Variants in TP73 observed in about 807,000 individuals in gnomAD.
TP73 encodes the protein tumor protein p73.
In TP73, 25 loss-of-function variants were observed where a neutral mutation model predicts 62.5. The ratio of observed to expected loss-of-function variants is 0.40; its 90% CI spans 0.29 to 0.56. The LOEUF is 0.56. Ranked by LOEUF, TP73 falls within the 20% of genes least tolerant of loss-of-function variation. The pLI is 0.46. For synonymous variants in TP73, 423 were observed against 377.5 expected (o/e 1.12, Z -1.40); for missense variants, 754 against 913.3 (o/e 0.83, Z 2.25).
intron 1 of TP73, among the ~76,000 whole-genome samples, chr1:3,655,220 C>T (rs1644840537): frequency 6.6e-6 from 1 of 152,116 alleles, no homozygotes; most frequent in African/African-American, 2.4e-5. Flanking sequence ...AATCTTGTCC[C>T]CACCAAAAAT....
chr1:3,662,295 G>A lies in TP73; in HGVS notation c.-34+9654G>A, dbSNP rs1645011713. 1 of 152,196 alleles carries A rather than the reference G, an allele frequency of 6.6e-6. No individual in the cohort carries two copies. The highest frequency in any genetic ancestry group is 1.5e-5 in the Non-Finnish European group (1 of 68,046). 9.4% of individuals were successfully genotyped at this position (152,196 alleles called of 1,614,324 possible). ...AGGGGAGGAAAAGTGACATCAGACA[G>A]ATCAACAGGAGAAAACCCATTTTAA... On this transcript the variant is annotated intron_variant, in intron 1 of 13. Coordinates refer to ENST00000378295, the MANE Select transcript of TP73 (RefSeq NM_005427.4). This position sits in a 1 kb window ranked among gnomAD's most constrained non-coding sequence, Gnocchi z 4.4.
intron 1 of TP73, among the ~76,000 whole-genome samples, chr1:3,656,309 A>G (rs1171829222): frequency 6.6e-6 from 1 of 152,248 alleles, no homozygotes; most frequent in Admixed American, 6.5e-5. Context: ...CTCTGTGCTC[A>G]GTATTTCTTT....
intron 13 of TP73, among the ~76,000 whole-genome samples, chr1:3,731,974 G>A (rs991522465): frequency 2.6e-5 from 4 of 152,240 alleles, no homozygotes; most frequent in Admixed American, 1.3e-4. Flanking sequence ...CACCTGGCCC[G>A]AGGCCACACA....
At chr1:3,711,417 T>A (rs1433020056) in intron 4 of TP73, among the ~76,000 whole-genome samples, 1 of 152,226 alleles carries the variant, frequency 6.6e-6, no homozygotes, top group African/African-American at 2.4e-5. Flanking sequence ...GACAGCTGGT[T>A]CCAGGAGGCC....
chr1:3,732,857 T>C lies in TP73; in HGVS notation c.1689T>C (p.Ser563=), dbSNP rs116174056. 3.6e-3 allele frequency: 5,767 copies of C among 1,612,078 alleles called. 181 individuals carry two copies. The African/African-American group carries it at 0.068, about 19-fold the overall frequency. The change falls in exon 14 of 14, where the codon TCT becomes TCC. Residue 563 remains serine (S), a synonymous_variant. Transcript: ENST00000378295. ...DYSTAQQLLR[S]SNAATISIGG... ...GCACCGCGCAGCAGCTGCTCCGCTC[T>C]AGCAACGCGGCCACCATCTCCATCG...
chr1:3,683,030 G>A (rs2102092462), intron 2 of TP73, 30 bp from the exon 3 acceptor site: 1 of 1,587,458 alleles, frequency 6.3e-7, no homozygotes. Context: ...ACTGGGGACT[G>A]ACGCTTCTAT....
intron 3 of TP73, among the ~76,000 whole-genome samples, chr1:3,703,326 C>T (rs1277969137): frequency 2.6e-5 from 4 of 152,184 alleles, no homozygotes; most frequent in African/African-American, 9.6e-5. Flanking sequence ...CACCCCGTGT[C>T]ACTGAGCCTG....
In TP73 at chr1:3,707,605, G is replaced by T; in HGVS notation, c.243G>T (p.Ser81=). The T allele has an allele frequency of 1.2e-6, 2 of 1,612,588 alleles. No homozygotes were observed. Among genetic ancestry groups the T allele is most frequent in the East Asian group, 4.5e-5 (2 of 44,852 alleles). The change falls in exon 4 of 14, where the codon TCG becomes TCT. Residue 81 remains serine, a synonymous_variant. Transcript: ENST00000378295. ...ACCAGATGAGCAGCCGCGCGGCCTCGGCCAGCCCCTACACCCCAGAGCACG... is the reference window on the plus strand; with the variant it reads ...ACCAGATGAGCAGCCGCGCGGCCTCTGCCAGCCCCTACACCCCAGAGCACG... The part of the protein sequence containing the change: ...TMDQMSSRAA[S]ASPYTPEHAA...
chr1:3,732,885 G>T lies in TP73; in HGVS notation c.1717G>T (p.Gly573Cys). Residue 573 changes from glycine (G) to cysteine (C), a missense_variant, in exon 14 of 14, where the codon GGC becomes TGC. By Grantham distance (159) the Gly-to-Cys change is radical. Transcript: ENST00000378295. Reference sequence around the variant, plus strand: ...CAACGCGGCCACCATCTCCATCGGCGGCTCAGGGGAACTGCAGCGCCAGCG... The same window carrying T: ...CAACGCGGCCACCATCTCCATCGGCTGCTCAGGGGAACTGCAGCGCCAGCG... ...SSNAATISIG[G>C]SGELQRQRVM... 6.2e-7 allele frequency: 1 copy of T among 1,611,586 alleles called. No individual in the cohort carries two copies. Among genetic ancestry groups the T allele is most frequent in the Non-Finnish European group, 8.5e-7 (1 of 1,179,654 alleles).
intron 6 of TP73, among the ~76,000 whole-genome samples, chr1:3,726,321 G>A (rs1431386617): frequency 2.2e-4 from 27 of 122,268 alleles, no homozygotes; most frequent in Non-Finnish European, 4.1e-4. Context: ...GGGTGGATGG[G>A]TGGATGGATG....
At chr1:3,698,123 G>A in intron 3 of TP73, 2 of 985,610 alleles carry the variant, frequency 2.0e-6, no homozygotes, top group Non-Finnish European at 2.4e-6. Context: ...GCTGTTACAG[G>A]TGGCGCCTGA....
In TP73 at chr1:3,670,390, C is replaced by T. The variant is rs956758666; in HGVS notation, c.-33-11943C>T. Among the ~76,000 whole-genome samples, 2 of 152,104 alleles carry T rather than the reference C, an allele frequency of 1.3e-5. No individual in the cohort carries two copies. The highest frequency in any genetic ancestry group is 2.4e-5 in the African/African-American group (1 of 41,412). On this transcript the variant is annotated intron_variant, in intron 1 of 13. Coordinates refer to ENST00000378295, the MANE Select transcript of TP73 (RefSeq NM_005427.4). This position sits in a 1 kb window ranked among gnomAD's most constrained non-coding sequence, Gnocchi z 5.9. ...CTTAGAAGTGGGGAAGAAGGCCAGG[C>T]GTGGTGGCTCACATCTGTAATCCCA... is the stretch of plus-strand genomic sequence containing the variant.
rs1311114060 is a variant in TP73 at position 3,666,567 on chromosome 1, G to A, written c.-34+13926G>A. ...TGACAGTGAAGGTGGGTGCGTGGGC[G>A]GGGGGCTTTTAATGGTCCCTCTGCT... On this transcript the variant is annotated intron_variant, in intron 1 of 13. Transcript: ENST00000378295. This position sits in a 1 kb window ranked among gnomAD's most constrained non-coding sequence, Gnocchi z 6.4. Among the ~76,000 whole-genome samples, 2 of 152,076 alleles carry A rather than the reference G, an allele frequency of 1.3e-5. No homozygotes were observed. The highest frequency in any genetic ancestry group is 2.9e-5 in the Non-Finnish European group (2 of 68,006).
At chr1:3,690,712 C>T (rs1042289303) in intron 3 of TP73, 15 of 1,429,306 alleles carry the variant, frequency 1.0e-5, no homozygotes, top group East Asian at 1.0e-4. Context: ...ATGGGAAAAG[C>T]GAAAATGCCA....
At chr1:3,714,550 CCCT>C (rs1489417481) in intron 4 of TP73, among the ~76,000 whole-genome samples, 7 of 152,264 alleles carry the variant, frequency 4.6e-5, no homozygotes, top group Admixed American at 1.3e-4. Flanking sequence ...CCTGCTGGGC[CCCT>C]CGTGGGACAG....
In TP73 at chr1:3,672,314, G is replaced by A. The variant is rs1303483001; in HGVS notation, c.-33-10019G>A. On this transcript the variant is annotated intron_variant, in intron 1 of 13. Coordinates refer to ENST00000378295, the MANE Select transcript of TP73 (RefSeq NM_005427.4). This position sits in a 1 kb window ranked among gnomAD's most constrained non-coding sequence, Gnocchi z 5.3. ...GAAAGAAAGAAGATTCTGGAGGACA[G>A]CACAGGCACTTCCAACATGGGCGCT... Among the ~76,000 whole-genome samples the A allele has an allele frequency of 6.6e-6, 1 of 152,164 alleles. No individual in the cohort carries two copies. The highest frequency in any genetic ancestry group is 1.5e-5 in the Non-Finnish European group (1 of 68,014).
Position 3,727,105 on chromosome 1 carries a change from C to T in TP73, c.733-10C>T. 6.2e-7 allele frequency: 1 copy of T among 1,609,232 alleles called. No homozygotes were observed. The highest frequency in any genetic ancestry group is 1.1e-5 in the South Asian group (1 of 90,876). Reference sequence around the variant, plus strand: ...GATGCTAGCCCCTCTCCCTGCTCCCCCATGTGCAGGTGGGGACGGAATTCA... The same window carrying T: ...GATGCTAGCCCCTCTCCCTGCTCCCTCATGTGCAGGTGGGGACGGAATTCA... On this transcript the variant is annotated splice_polypyrimidine_tract_variant and intron_variant, in intron 6 of 13. Transcript: ENST00000378295.
chr1:3,726,395 G>GCGGATGGATGGA (rs145686205), intron 6 of TP73, among the ~76,000 whole-genome samples: 9 of 91,216 alleles, frequency 9.9e-5, no homozygotes, highest in East Asian at 3.5e-4. Flanking sequence ...AAATGGGGGA[G>GCGGATGGATGGA]TGGATGGATG....
At chr1:3,727,045 G>A in intron 6 of TP73, 70 bp from the exon 7 acceptor site, 1 of 1,364,174 alleles carries the variant, frequency 7.3e-7, no homozygotes, top group Non-Finnish European at 1.0e-6. Context: ...CATGGAGCTG[G>A]GGGCTGCCAC....
Sources: allele counts gnomAD v4.1 joint callset (sites outside exome capture counted in the v4.1 genomes callset), GRCh38; gene constraint gnomAD v4.1.1; non-coding constraint Gnocchi (gnomAD v3.1); transcripts MANE v1.5; gene names NCBI Gene and HGNC (gene_info 2026-07-23, HGNC 2026-07-21).